The following CAMK2D variants were observed in gnomAD, a reference collection of about 807,000 sequenced individuals.
The protein encoded by CAMK2D is calcium/calmodulin-dependent protein kinase type II subunit delta.
In CAMK2D, 37 loss-of-function variants were observed where a neutral mutation model predicts 84.0. That is an observed-to-expected ratio of 0.44 (90% confidence interval 0.34 to 0.58). The LOEUF (loss-of-function observed/expected upper bound fraction) is 0.58. CAMK2D is among the 20% of genes least tolerant of loss of function. The pLI is 0.02. For missense variants in CAMK2D, 448 were observed against 652.5 expected, an observed-to-expected ratio of 0.69 and a Z score of 3.41; for synonymous variants, 202 against 212.5, an observed-to-expected ratio of 0.95 and a Z score of 0.43.
At chr4:113,485,917 A>C (rs754383845) in intron 16 of CAMK2D, among the ~76,000 whole-genome samples, 7 of 152,140 alleles carry the variant, frequency 4.6e-5, no homozygotes, top group Non-Finnish European at 1.0e-4. Context: ...TCTATTGGTA[A>C]TGTTTCTCCT....
At chr4:113,490,302 C>A (rs2154137606) in intron 16 of CAMK2D, among the ~76,000 whole-genome samples, 1 of 149,110 alleles carries the variant, frequency 6.7e-6, no homozygotes, top group South Asian at 2.2e-4. Context: ...TTTAATCCAT[C>A]TTGAATTGAT....
intron 3 of CAMK2D, among the ~76,000 whole-genome samples, chr4:113,623,987 T>C (rs2099057318): frequency 6.6e-6 from 1 of 152,132 alleles, no homozygotes; most frequent in South Asian, 2.1e-4. Flanking sequence ...TGATAATCTA[T>C]TGTTTCTGAC....
intron 3 of CAMK2D, among the ~76,000 whole-genome samples, chr4:113,640,834 T>C (rs562964298): frequency 1.3e-5 from 2 of 152,362 alleles, no homozygotes; most frequent in African/African-American, 4.8e-5. Context: ...TGACAACTTT[T>C]ATAAGGTAGA....
At chr4:113,595,366 A>G (rs912000757) in intron 4 of CAMK2D, among the ~76,000 whole-genome samples, 5 of 152,108 alleles carry the variant, frequency 3.3e-5, no homozygotes, top group African/African-American at 1.2e-4. Context: ...ACTATTTTTC[A>G]TATTCTAAAT....
rs1223545540 is a variant in CAMK2D at position 113,713,476 on chromosome 4, A to G, written c.160+45844T>C. Among the ~76,000 whole-genome samples the G allele has an allele frequency of 1.7e-4, 25 of 147,876 alleles. 1 individual carries two copies. Among genetic ancestry groups the G allele is most frequent in the Admixed American group, 1.5e-3 (22 of 14,736 alleles). ...TTTGCATTATTATATGTAATATAAC[A>G]ACATTATTATATATAATATGATAAC... is the stretch of plus-strand genomic sequence containing the variant. On this transcript the variant is annotated intron_variant, in intron 2 of 20. Transcript: ENST00000511664.
chr4:113,735,289 GAAAAAAA>G (rs769117708), intron 2 of CAMK2D, among the ~76,000 whole-genome samples: 25 of 44,762 alleles, frequency 5.6e-4, no homozygotes, highest in Non-Finnish European at 6.6e-4. Flanking sequence ...ATCTCTACAG[GAAAAAAA>G]AAAAAAAAAA....
chr4:113,533,942 T>G (rs1410840580), intron 7 of CAMK2D, among the ~76,000 whole-genome samples: 1 of 151,990 alleles, frequency 6.6e-6, no homozygotes, highest in Non-Finnish European at 1.5e-5. Context: ...ATGCTTTGTA[T>G]TATCTATTAT....
intron 4 of CAMK2D, among the ~76,000 whole-genome samples, chr4:113,582,075 C>T (rs756633018): frequency 2.0e-5 from 3 of 152,124 alleles, no homozygotes; most frequent in Non-Finnish European, 4.4e-5. Flanking sequence ...TTAACCATGG[C>T]TTTTGGAGAG....
chr4:113,714,815 T>C (rs1397334378), intron 2 of CAMK2D, among the ~76,000 whole-genome samples: 1 of 152,188 alleles, frequency 6.6e-6, no homozygotes, highest in Non-Finnish European at 1.5e-5. Context: ...AAATAAAATG[T>C]GTATGTTTTT....
At chr4:113,535,459 G>A (rs967515494) in intron 7 of CAMK2D, among the ~76,000 whole-genome samples, 15 of 151,956 alleles carry the variant, frequency 9.9e-5, no homozygotes, top group African/African-American at 3.6e-4. Context: ...TACTTCTACT[G>A]GAATCATTAT....
At chr4:113,476,372 T>C (rs1293154975) in intron 16 of CAMK2D, among the ~76,000 whole-genome samples, 1 of 152,188 alleles carries the variant, frequency 6.6e-6, no homozygotes, top group African/African-American at 2.4e-5. Flanking sequence ...ATGCTGAAAC[T>C]GCATTTGCAA....
chr4:113,563,008 A>G (rs2098705637), intron 4 of CAMK2D, among the ~76,000 whole-genome samples: 1 of 152,164 alleles, frequency 6.6e-6, no homozygotes, highest in Non-Finnish European at 1.5e-5. Flanking sequence ...CTGTAATCCC[A>G]GCTCTTTTGG....
chr4:113,706,223 GT>G (rs2099454565), intron 2 of CAMK2D, among the ~76,000 whole-genome samples: 2 of 152,102 alleles, frequency 1.3e-5, no homozygotes, highest in South Asian at 4.1e-4. Context: ...CTCAAGTACT[GT>G]ACAGCACTTA....
In CAMK2D at chr4:113,531,378, C is replaced by A. The variant is rs150102933; in HGVS notation, c.518-79G>T. 4.8e-4 allele frequency: 367 copies of A among 768,778 alleles called. 2 individuals are homozygous for A. In the African/African-American group the frequency reaches 5.5e-3, roughly 12 times the overall value. 47.6% of individuals were successfully genotyped at this position (768,778 alleles called of 1,614,324 possible). ...ATGGGAAACTAAGAAAGAAAAATAT[C>A]GGGGGCTTCTTTATCTGATTATATG... On this transcript the variant is annotated intron_variant, in intron 7 of 20. Coordinates refer to ENST00000511664, the MANE Select transcript of CAMK2D (RefSeq NM_001321571.2).
At position 113,706,453 on chromosome 4, in the gene CAMK2D, C is replaced by T. The variant is rs183322410; in HGVS notation, c.161-44681G>A. 1.3e-4 allele frequency among the ~76,000 whole-genome samples: 20 copies of T among 152,150 alleles called. No individual in the cohort carries two copies. The East Asian group carries it at 2.7e-3, about 21-fold the overall frequency. ...CTAAAAAGTTAAATTACTGACATAACGTGGAGTAACAAAATGAGAAAAGTT... is the reference window on the plus strand; with the variant it reads ...CTAAAAAGTTAAATTACTGACATAATGTGGAGTAACAAAATGAGAAAAGTT... On this transcript the variant is annotated intron_variant, in intron 2 of 20. Transcript: ENST00000511664.
At chr4:113,566,844 A>G (rs1228250919) in intron 4 of CAMK2D, among the ~76,000 whole-genome samples, 2 of 152,210 alleles carry the variant, frequency 1.3e-5, no homozygotes, top group East Asian at 3.9e-4. Context: ...TTACGCACCA[A>G]ATATCACCCT....
intron 3 of CAMK2D, among the ~76,000 whole-genome samples, chr4:113,637,966 C>T (rs2099116606): frequency 6.6e-6 from 1 of 152,100 alleles, no homozygotes; most frequent in Non-Finnish European, 1.5e-5. Context: ...TTGTCCAAGC[C>T]CATCCTTAAC....
chr4:113,648,353 C>T (rs1177386485), intron 3 of CAMK2D, among the ~76,000 whole-genome samples: 1 of 152,172 alleles, frequency 6.6e-6, no homozygotes, highest in Non-Finnish European at 1.5e-5. Flanking sequence ...TACAAATAAG[C>T]ATTTTCATCA....
At chr4:113,747,683 T>C (rs1322086129) in intron 2 of CAMK2D, among the ~76,000 whole-genome samples, 1 of 152,162 alleles carries the variant, frequency 6.6e-6, no homozygotes, top group Non-Finnish European at 1.5e-5. Context: ...TCTTAATTTT[T>C]TGTATTGCCC....
Sources: gnomAD v4.1 joint callset for allele counts (sites outside exome capture counted in the v4.1 genomes callset) on GRCh38, gnomAD v4.1.1 for gene constraint, MANE v1.5 for transcripts, NCBI Gene and HGNC (gene_info 2026-07-23, HGNC 2026-07-21) for gene names.